DYNC2I1: variants seen among roughly 807,000 people sequenced by gnomAD.
The protein encoded by DYNC2I1 is cytoplasmic dynein 2 intermediate chain 1.
A neutral mutation model predicts 133.4 loss-of-function variants in DYNC2I1; 89 were observed. The ratio of observed to expected loss-of-function variants is 0.67; its 90% CI spans 0.56 to 0.80. DYNC2I1 has a LOEUF of 0.80. Ranked by LOEUF, DYNC2I1 falls within the 30% of genes least tolerant of loss-of-function variation. The probability of loss-of-function intolerance (pLI) is 0.00; values close to 1 mark genes in which losing one functional copy is unlikely to be tolerated. For synonymous variants in DYNC2I1, 504 were observed against 484.3 expected, an observed-to-expected ratio of 1.04 and a Z score of -0.54; for missense variants, 1,291 against 1,314.5, an observed-to-expected ratio of 0.98 and a Z score of 0.28.
chr7:158,956,943 C>T (rs1311980533), downstream of DYNC2I1, among the ~76,000 whole-genome samples: 3 of 152,178 alleles, frequency 2.0e-5, no homozygotes, highest in Non-Finnish European at 4.4e-5. Flanking sequence ...GCAGGGCTCC[C>T]GTGAGCTGCC....
chr7:158,945,991 C>A lies in DYNC2I1; in HGVS notation c.*212C>A. The A allele has an allele frequency of 4.2e-6, 2 of 476,446 alleles. No individual in the cohort carries two copies. Among genetic ancestry groups the A allele is most frequent in the Non-Finnish European group, 3.4e-6 (1 of 296,276 alleles). The allele number at this position is 476,446 out of a possible 1,614,324, so 29.5% of individuals were successfully genotyped here. On this transcript the variant is annotated 3_prime_UTR_variant, in exon 25 of 25. Coordinates refer to ENST00000407559, the MANE Select transcript of DYNC2I1 (RefSeq NM_018051.5). This position sits in a 1 kb window ranked among gnomAD's most constrained non-coding sequence, Gnocchi z 4.1. ...AAAGAACATTCTAGCATTTACAAAA[C>A]TTCCAGGGGAATGTAGAGCCACGTC... is the stretch of plus-strand genomic sequence containing the variant.
In DYNC2I1 at chr7:158,911,568, G is replaced by A. The variant is rs747849706; in HGVS notation, c.1479G>A (p.Leu493=). The A allele has an allele frequency of 2.5e-6, 4 of 1,613,392 alleles. No homozygotes were observed. Among genetic ancestry groups the A allele is most frequent in the Non-Finnish European group, 3.4e-6 (4 of 1,179,730 alleles). ...ALKQKMRSTK[L]LRLIDLDFSF... Reference sequence around the variant, plus strand: ...TTCAAAGGATGCGAAGTACAAAACTGCTTCGGCTCATTGACTTAGATTTTT... The same window carrying A: ...TTCAAAGGATGCGAAGTACAAAACTACTTCGGCTCATTGACTTAGATTTTT... Residue 493 remains leucine, a synonymous_variant, in exon 12 of 25, where the codon CTG becomes CTA. Coordinates refer to ENST00000407559, the MANE Select transcript of DYNC2I1 (RefSeq NM_018051.5).
At chr7:158,953,784 TTA>T (rs570669185) in intron 4 of DYNC2I1, among the ~76,000 whole-genome samples, 5 of 152,134 alleles carry the variant, frequency 3.3e-5, no homozygotes, top group Non-Finnish European at 5.9e-5. Flanking sequence ...GCATCATAGG[TTA>T]TATATATGTT....
the DYNC2I1 span, among the ~76,000 whole-genome samples, chr7:158,844,975 C>T: frequency 5.3e-5 from 8 of 149,970 alleles, no homozygotes; most frequent in Non-Finnish European, 1.0e-4. Flanking sequence ...CTTGTGTAAA[C>T]CAAAAATAAA....
downstream of DYNC2I1, among the ~76,000 whole-genome samples, chr7:158,949,329 T>C (rs1161875327): frequency 6.6e-6 from 1 of 152,258 alleles, no homozygotes; most frequent in African/African-American, 2.4e-5. Flanking sequence ...TGAGAGACAG[T>C]GAAGCCTGGG....
chr7:158,912,021 C>T (rs1033445064), intron 12 of DYNC2I1, among the ~76,000 whole-genome samples: 1 of 152,164 alleles, frequency 6.6e-6, no homozygotes, highest in African/African-American at 2.4e-5. Flanking sequence ...GTCGCCCAGG[C>T]CAGAGTGCAG....
rs76882891 is a variant in DYNC2I1 at position 158,859,677 on chromosome 7, A to G, written c.15+2927A>G. Among the ~76,000 whole-genome samples the G allele has an allele frequency of 2.0e-5, 3 of 152,172 alleles. No individual in the cohort carries two copies. In the East Asian group the frequency reaches 5.8e-4, roughly 29 times the overall value. On this transcript the variant is annotated intron_variant, in intron 1 of 24. Transcript: ENST00000407559. ...GTCATCACGCCCAGCTAATTTTTGTATTTTTAGCAGAGACGGGATTTCATC... is the reference window on the plus strand; with the variant it reads ...GTCATCACGCCCAGCTAATTTTTGTGTTTTTAGCAGAGACGGGATTTCATC...
chr7:158,885,654 T>C (rs1003172947), intron 6 of DYNC2I1, among the ~76,000 whole-genome samples: 2 of 152,210 alleles, frequency 1.3e-5, no homozygotes, highest in Non-Finnish European at 1.5e-5. Context: ...AACTCTCATA[T>C]GTAAGCCCTA....
chr7:158,931,814 T>C (rs1222688468), intron 21 of DYNC2I1, among the ~76,000 whole-genome samples: 1 of 152,242 alleles, frequency 6.6e-6, no homozygotes, highest in Non-Finnish European at 1.5e-5. Flanking sequence ...GGGAGCATCC[T>C]CCGTCAAGGT....
chr7:158,946,576 G>T (rs568905282), downstream of DYNC2I1, among the ~76,000 whole-genome samples: 1 of 152,352 alleles, frequency 6.6e-6, no homozygotes, highest in South Asian at 2.1e-4. Flanking sequence ...CAGCCTCTCT[G>T]CTGACAGCAC....
At chr7:158,860,398 G>GT (rs1296376815) in intron 1 of DYNC2I1, among the ~76,000 whole-genome samples, 1 of 152,132 alleles carries the variant, frequency 6.6e-6, no homozygotes, top group Non-Finnish European at 1.5e-5. Context: ...ATTTCTTTCA[G>GT]TTTGTTTCAT....
rs764903646 is a variant in DYNC2I1, at chr7:158,936,275, T to TC, written c.2778+1730dup. Among the ~76,000 whole-genome samples the TC allele has an allele frequency of 4.6e-5, 7 of 151,952 alleles. No individual in the cohort carries two copies. In the East Asian group the frequency reaches 1.2e-3, roughly 25 times the overall value. ...GCTCTTGAGCTTTTTTTGGCTTCTC[T>TC]CCCCACAAAAAACCAAAACCAAATA... On this transcript the variant is annotated intron_variant, in intron 23 of 24. Coordinates refer to ENST00000407559, the MANE Select transcript of DYNC2I1 (RefSeq NM_018051.5).
intron 21 of DYNC2I1, among the ~76,000 whole-genome samples, chr7:158,932,161 C>T (rs916328886): frequency 1.3e-5 from 2 of 152,202 alleles, no homozygotes; most frequent in African/African-American, 4.8e-5. Context: ...GAAGCAGGTC[C>T]TGCAGCTCTG....
At position 158,945,498 on chromosome 7, in the gene DYNC2I1, A is replaced by T; in HGVS notation, c.3003-83A>T. 1 of 1,393,458 alleles carries T rather than the reference A, an allele frequency of 7.2e-7. No homozygotes were observed. The highest frequency in any genetic ancestry group is 9.7e-7 in the Non-Finnish European group (1 of 1,032,218). The allele number at this position is 1,393,458 out of a possible 1,614,324, so 86.3% of individuals were successfully genotyped here. A position where few individuals can be genotyped will look rare whatever the true frequency, so the allele number is the denominator to read the frequency against. On this transcript the variant is annotated intron_variant, in intron 24 of 24. Transcript: ENST00000407559. The surrounding 1 kb of genome is among the most constrained non-coding windows in gnomAD (Gnocchi z 4.1). Reference sequence around the variant, plus strand: ...CTCATCCGTTTCACTCTTCCCATGGAAGGTAGACATTTTGAAGACTCAGAC... The same window carrying T: ...CTCATCCGTTTCACTCTTCCCATGGTAGGTAGACATTTTGAAGACTCAGAC...
chr7:158,869,932 T>G, intron 2 of DYNC2I1, 24 bp downstream of exon 2: 1 of 1,608,988 alleles, frequency 6.2e-7, no homozygotes, highest in Non-Finnish European at 8.5e-7. Context: ...AGATTTGGAT[T>G]GGGATCTGTG....
chr7:158,849,442 T>G, the DYNC2I1 span, among the ~76,000 whole-genome samples: 8 of 152,206 alleles, frequency 5.3e-5, no homozygotes, highest in Non-Finnish European at 1.0e-4. Context: ...ACCTCTGTGG[T>G]TGCTGTGCCT....
chr7:158,949,296 TA>T (rs1318225055), downstream of DYNC2I1, among the ~76,000 whole-genome samples: 2 of 152,278 alleles, frequency 1.3e-5, no homozygotes, highest in East Asian at 3.8e-4. Flanking sequence ...GTAGGCTTTT[TA>T]AAATAGTTTA....
chr7:158,916,790 G>A (rs1848376545), intron 14 of DYNC2I1, among the ~76,000 whole-genome samples: 2 of 45,080 alleles, frequency 4.4e-5, no homozygotes, highest in Non-Finnish European at 9.8e-5. Flanking sequence ...ACGTCGACAC[G>A]CTGGTTGACA....
At chr7:158,927,206 A>C (rs1211035171) in intron 20 of DYNC2I1, among the ~76,000 whole-genome samples, 163 bp downstream of exon 20, 6 of 152,002 alleles carry the variant, frequency 3.9e-5, no homozygotes, top group African/African-American at 1.5e-4. Flanking sequence ...GTTCCAGACC[A>C]GCCTGGACAA....
Sources: allele counts gnomAD v4.1 joint callset (sites outside exome capture counted in the v4.1 genomes callset), GRCh38; gene constraint gnomAD v4.1.1; non-coding constraint Gnocchi (gnomAD v3.1); transcripts MANE v1.5; gene names NCBI Gene and HGNC (gene_info 2026-07-23, HGNC 2026-07-21).